The following CFAP20DC variants were observed in gnomAD, a reference collection of about 807,000 sequenced individuals.
CFAP20DC encodes protein CFAP20DC.
In CFAP20DC, 84 loss-of-function variants were observed where a neutral mutation model predicts 101.7. The ratio of observed to expected loss-of-function variants is 0.83; its 90% CI spans 0.69 to 0.99. The LOEUF (loss-of-function observed/expected upper bound fraction) is 0.99, where lower values mean the gene tolerates loss of function less well. Among genes scored for constraint, CFAP20DC ranks in the 50% least tolerant of loss-of-function variants. The pLI, the probability that CFAP20DC is intolerant of heterozygous loss-of-function variation, is 0.00. For synonymous variants in CFAP20DC, 359 were observed against 351.2 expected (o/e 1.02, Z -0.25); for missense variants, 1,007 against 970.3 (o/e 1.04, Z -0.50).
chr3:59,033,992 A>G (rs2094046167), intron 4 of CFAP20DC, among the ~76,000 whole-genome samples: 1 of 152,234 alleles, frequency 6.6e-6, no homozygotes, highest in Non-Finnish European at 1.5e-5. Flanking sequence ...TCAGACTAAC[A>G]ATGGATCTCT....
At position 58,868,594 on chromosome 3, in the gene CFAP20DC, G is replaced by A. The variant is rs1409746086; in HGVS notation, c.1016-658C>T. 6.6e-6 allele frequency among the ~76,000 whole-genome samples: 1 copy of A among 152,094 alleles called. No homozygotes were observed. Among genetic ancestry groups the A allele is most frequent in the Non-Finnish European group, 1.5e-5 (1 of 67,998 alleles). On this transcript the variant is annotated intron_variant, in intron 9 of 16. Transcript: ENST00000482387. The surrounding 1 kb of genome is among the most constrained non-coding windows in gnomAD (Gnocchi z 4.6). Reference sequence around the variant, plus strand: ...GAAAACTAAGGTTCACAGCGTTTAAGAAACTTGATCAAGGCCTCACTGACA... The same window carrying A: ...GAAAACTAAGGTTCACAGCGTTTAAAAAACTTGATCAAGGCCTCACTGACA...
At chr3:58,975,468 T>C (rs903574577) in intron 4 of CFAP20DC, among the ~76,000 whole-genome samples, 21 of 152,200 alleles carry the variant, frequency 1.4e-4, no homozygotes, top group African/African-American at 9.7e-5. Flanking sequence ...AATGAATTTA[T>C]AGAAATATAT....
chr3:58,936,184 C>G (rs1576384553), intron 5 of CFAP20DC, among the ~76,000 whole-genome samples: 2 of 152,186 alleles, frequency 1.3e-5, no homozygotes, highest in East Asian at 3.9e-4. Context: ...TGCTCATCAT[C>G]ACTGGCCATC....
chr3:58,959,374 G>A (rs913772042), intron 4 of CFAP20DC, among the ~76,000 whole-genome samples: 3 of 152,196 alleles, frequency 2.0e-5, no homozygotes, highest in Admixed American at 6.5e-5. Context: ...GATTACAGGC[G>A]TAAGCCACTG....
At chr3:58,936,385 A>G (rs1375375262) in intron 5 of CFAP20DC, among the ~76,000 whole-genome samples, 1 of 152,184 alleles carries the variant, frequency 6.6e-6, no homozygotes, top group African/African-American at 2.4e-5. Flanking sequence ...AGGGATCTAG[A>G]ACTAGAAATA....
At chr3:58,723,729 G>A (rs1396873713) in intron 3 of CFAP20DC, among the ~76,000 whole-genome samples, 13 of 152,216 alleles carry the variant, frequency 8.5e-5, no homozygotes, top group Non-Finnish European at 1.8e-4. Flanking sequence ...CCTTTGTCAG[G>A]TGGGGTGTAA....
chr3:58,996,138 T>C (rs531752810), intron 4 of CFAP20DC, among the ~76,000 whole-genome samples: 1 of 152,312 alleles, frequency 6.6e-6, no homozygotes, highest in Admixed American at 6.5e-5. Context: ...TATTCCCTTC[T>C]AGGTAACAAC....
At position 58,818,402 on chromosome 3, in the gene CFAP20DC, C is replaced by T. The variant is rs1242891572; in HGVS notation, c.2176-11946G>A. Reference sequence around the variant, plus strand: ...TGCTGTATTCAGGAAACCCATCTCACGTGCAGAGACACAGATAGGCTCAAA... The same window carrying T: ...TGCTGTATTCAGGAAACCCATCTCATGTGCAGAGACACAGATAGGCTCAAA... On this transcript the variant is annotated intron_variant, in intron 14 of 16. Transcript: ENST00000482387. Among the ~76,000 whole-genome samples, 16 of 148,138 alleles carry T rather than the reference C, an allele frequency of 1.1e-4. No individual in the cohort carries two copies. The East Asian group carries it at 1.7e-3, about 15-fold the overall frequency.
intron 7 of CFAP20DC, among the ~76,000 whole-genome samples, chr3:58,875,168 C>T (rs2080636069): frequency 1.3e-5 from 2 of 152,186 alleles, no homozygotes. Flanking sequence ...TATGGCACTG[C>T]AGTCAGATGC....
At position 58,861,745 on chromosome 3, in the gene CFAP20DC, G is replaced by T. The variant is rs910349475; in HGVS notation, c.1593+1813C>A. On this transcript the variant is annotated intron_variant, in intron 12 of 16. Coordinates refer to ENST00000482387, the MANE Select transcript of CFAP20DC (RefSeq NM_001394063.1). This position sits in a 1 kb window ranked among gnomAD's most constrained non-coding sequence, Gnocchi z 4.0. ...TCTTAGTAGGCTCTGATTAAAGGGT[G>T]GTGAGTGCCAGTGTTGGCAATGGGA... 1 of 985,364 alleles carries T rather than the reference G, an allele frequency of 1.0e-6. No individual in the cohort carries two copies. Among genetic ancestry groups the T allele is most frequent in the Middle Eastern group, 5.2e-4 (1 of 1,918 alleles). The allele number at this position is 985,364 out of a possible 1,614,324, so 61.0% of individuals were successfully genotyped here. A position where few individuals can be genotyped will look rare whatever the true frequency, so the allele number is the denominator to read the frequency against.
At chr3:58,942,822 T>G (rs1021119232) in intron 4 of CFAP20DC, among the ~76,000 whole-genome samples, 1 of 152,160 alleles carries the variant, frequency 6.6e-6, no homozygotes, top group African/African-American at 2.4e-5. Context: ...TAAGATCCAC[T>G]GATTTGAAAT....
At chr3:59,029,656 T>A (rs1178113130) in intron 4 of CFAP20DC, among the ~76,000 whole-genome samples, 1 of 152,102 alleles carries the variant, frequency 6.6e-6, no homozygotes, top group Non-Finnish European at 1.5e-5. Flanking sequence ...TGGGAGTTTA[T>A]CCTCAGTTCA....
At chr3:58,778,322 T>C (rs1358878646) in intron 15 of CFAP20DC, among the ~76,000 whole-genome samples, 1 of 152,106 alleles carries the variant, frequency 6.6e-6, no homozygotes, top group Non-Finnish European at 1.5e-5. Context: ...GAGCACACTG[T>C]CTAGGGGGCT....
intron 15 of CFAP20DC, among the ~76,000 whole-genome samples, chr3:58,805,340 T>G (rs1480911213): frequency 6.6e-6 from 1 of 152,220 alleles, no homozygotes; most frequent in East Asian, 1.9e-4. Flanking sequence ...CCTGGCTGCC[T>G]CTTGCCTTTC....
intron 6 of CFAP20DC, 35 bp from the exon 7 acceptor site, chr3:58,884,744 T>G (rs1030385602): frequency 1.9e-6 from 3 of 1,568,232 alleles, no homozygotes; most frequent in Non-Finnish European, 2.6e-6. Context: ...TTTCAAAATG[T>G]AAGCCATTTC....
chr3:58,902,788 T>G (rs941234962), intron 6 of CFAP20DC, among the ~76,000 whole-genome samples: 10 of 152,200 alleles, frequency 6.6e-5, no homozygotes, highest in Non-Finnish European at 1.5e-4. Flanking sequence ...CATCTTCCAG[T>G]ATACCTTAAA....
chr3:58,922,760 C>G (rs2107560296), intron 5 of CFAP20DC, among the ~76,000 whole-genome samples: 1 of 152,040 alleles, frequency 6.6e-6, no homozygotes, highest in African/African-American at 2.4e-5. Context: ...TCAGATATTC[C>G]TTTATAGCAA....
chr3:58,734,561 T>A (rs2067708116), intron 3 of CFAP20DC: 1 of 456,500 alleles, frequency 2.2e-6, no homozygotes, highest in Non-Finnish European at 4.4e-6. Flanking sequence ...AAATCATCCT[T>A]TAAGGTTTTA....
Position 58,854,320 on chromosome 3 carries a change from T to G in CFAP20DC, c.1594-4911A>C, listed in dbSNP as rs2078550271. Among the ~76,000 whole-genome samples the G allele has an allele frequency of 2.0e-5, 3 of 151,240 alleles. No individual in the cohort carries two copies. The South Asian group carries it at 6.3e-4, about 32-fold the overall frequency. On this transcript the variant is annotated intron_variant, in intron 12 of 16. Coordinates refer to ENST00000482387, the MANE Select transcript of CFAP20DC (RefSeq NM_001394063.1). ...TTCAAGGAGAACTACAAACCACTGC[T>G]CAAGGAAATAAAAGAGGATACAAAC...
Sources: gnomAD v4.1 joint callset for allele counts (sites outside exome capture counted in the v4.1 genomes callset) on GRCh38, gnomAD v4.1.1 for gene constraint, Gnocchi (gnomAD v3.1) non-coding constraint, MANE v1.5 for transcripts, NCBI Gene and HGNC (gene_info 2026-07-23, HGNC 2026-07-21) for gene names.